Variants in KCNK10 observed in about 807,000 individuals in gnomAD.
The protein encoded by KCNK10 is potassium channel subfamily K member 10.
A neutral mutation model predicts 47.7 loss-of-function variants in KCNK10; 25 were observed. The observed-to-expected ratio is 0.52, with a 90% CI of 0.38 to 0.73. The LOEUF is 0.73. Ranked by LOEUF, KCNK10 falls within the 30% of genes least tolerant of loss-of-function variation. The pLI is 0.00. For synonymous variants in KCNK10, 303 were observed against 285.6 expected, an observed-to-expected ratio of 1.06 and a Z score of -0.61; for missense variants, 563 against 714.5, an observed-to-expected ratio of 0.79 and a Z score of 2.42.
chr14:88,323,292 C>G, upstream of KCNK10: 1 of 985,542 alleles, frequency 1.0e-6, no homozygotes, highest in Non-Finnish European at 1.2e-6. Context: ...CAGCCTCGCT[C>G]GGCCGCGCTG....
At chr14:88,276,473 G>C (rs1887530531) in intron 1 of KCNK10, among the ~76,000 whole-genome samples, 1 of 152,112 alleles carries the variant, frequency 6.6e-6, no homozygotes, top group African/African-American at 2.4e-5. Flanking sequence ...GGCACACTAA[G>C]ACATTGACTA....
intron 2 of KCNK10, among the ~76,000 whole-genome samples, chr14:88,251,110 G>A (rs1307976163): frequency 2.6e-5 from 4 of 151,578 alleles, no homozygotes; most frequent in Non-Finnish European, 5.9e-5. Context: ...GTGCACACCT[G>A]TAGTCCCAGC....
intron 4 of KCNK10, among the ~76,000 whole-genome samples, chr14:88,202,934 G>T (rs1423982938): frequency 6.6e-6 from 1 of 152,230 alleles, no homozygotes; most frequent in Non-Finnish European, 1.5e-5. Context: ...TCCGACAGAG[G>T]GTGAGGGACT....
At chr14:88,291,300 A>G (rs1224229614) in intron 1 of KCNK10, among the ~76,000 whole-genome samples, 1 of 152,128 alleles carries the variant, frequency 6.6e-6, no homozygotes, top group Non-Finnish European at 1.5e-5. Flanking sequence ...CTTTCATTCA[A>G]AGAGAGGGTT....
Position 88,260,348 on chromosome 14 carries a change from T to C in KCNK10, c.402+2854A>G, listed in dbSNP as rs966039644. 3.3e-5 allele frequency among the ~76,000 whole-genome samples: 5 copies of C among 152,206 alleles called. No homozygotes were observed. Among genetic ancestry groups the C allele is most frequent in the African/African-American group, 7.2e-5 (3 of 41,450 alleles). On this transcript the variant is annotated intron_variant, in intron 2 of 6. Coordinates refer to ENST00000319231, the MANE Select transcript of KCNK10 (RefSeq NM_138317.3). This position sits in a 1 kb window ranked among gnomAD's most constrained non-coding sequence, Gnocchi z 4.5. ...GCCTCCCCTTCGTCTTCTGCCATGA[T>C]TGTAAGTTTCCTGAAGCCTCCCAAG...
rs1009720622 is a variant in KCNK10, at chr14:88,260,547, C to T, written c.402+2655G>A. Among the ~76,000 whole-genome samples, 3 of 152,130 alleles carry T rather than the reference C, an allele frequency of 2.0e-5. No homozygotes were observed. The highest frequency in any genetic ancestry group is 2.9e-5 in the Non-Finnish European group (2 of 68,022). ...TATAAACCAAGATCTACTTAAAGGG[C>T]CTGTAGACTATTTGGATGAGAGAGT... On this transcript the variant is annotated intron_variant, in intron 2 of 6. Transcript: ENST00000319231. This position sits in a 1 kb window ranked among gnomAD's most constrained non-coding sequence, Gnocchi z 4.5.
chr14:88,253,999 GGA>G (rs141220872), intron 2 of KCNK10, among the ~76,000 whole-genome samples: 3 of 151,354 alleles, frequency 2.0e-5, no homozygotes, highest in African/African-American at 2.4e-5. Flanking sequence ...AGGGTGAGGG[GGA>G]GAGAGAGAGA....
At chr14:88,317,791 T>C (rs140337096) in intron 1 of KCNK10, among the ~76,000 whole-genome samples, 1 of 152,208 alleles carries the variant, frequency 6.6e-6, no homozygotes, top group African/African-American at 2.4e-5. Flanking sequence ...TTCTGTAAAC[T>C]GAAAGGTGCT....
At chr14:88,282,494 G>A (rs935991363) in intron 1 of KCNK10, among the ~76,000 whole-genome samples, 1 of 152,182 alleles carries the variant, frequency 6.6e-6, no homozygotes, top group Non-Finnish European at 1.5e-5. Context: ...AGCTCAGCAG[G>A]AGCAGAGAGC....
intron 4 of KCNK10, among the ~76,000 whole-genome samples, chr14:88,213,991 G>C: frequency 6.6e-6 from 1 of 150,988 alleles, no homozygotes. Flanking sequence ...CCAGGCTGGA[G>C]TGCAGTGGTG....
intron 1 of KCNK10, among the ~76,000 whole-genome samples, chr14:88,274,135 GCCATGGTTCTTT>G (rs982546538): frequency 6.9e-6 from 1 of 145,562 alleles, no homozygotes; most frequent in African/African-American, 2.6e-5. Context: ...CACAAGCACC[GCCATGGTTCTTT>G]CCCTGGCCTC....
In KCNK10 at chr14:88,298,397, G is replaced by C. The variant is rs116545769; in HGVS notation, c.52+24350C>G. ...TTTCCCAGTGAATAATCTGTAAAAC[G>C]CCTTCCCCTCCTCATCCATCACCTA... On this transcript the variant is annotated intron_variant, in intron 1 of 6. Coordinates refer to ENST00000319231, the MANE Select transcript of KCNK10 (RefSeq NM_138317.3). 6.6e-3 allele frequency among the ~76,000 whole-genome samples: 1,005 copies of C among 152,176 alleles called. 10 individuals carry two copies. Among genetic ancestry groups the C allele is most frequent in the African/African-American group, 0.023 (962 of 41,494 alleles).
At chr14:88,271,844 T>G (rs1887412187) in intron 1 of KCNK10, among the ~76,000 whole-genome samples, 1 of 151,804 alleles carries the variant, frequency 6.6e-6, no homozygotes, top group South Asian at 2.1e-4. Flanking sequence ...AGCAGTGACT[T>G]CCTTCTCGGG....
chr14:88,297,126 G>T (rs1888001813), intron 1 of KCNK10, among the ~76,000 whole-genome samples: 1 of 152,148 alleles, frequency 6.6e-6, no homozygotes, highest in Admixed American at 6.5e-5. Context: ...ACAGAGCCTG[G>T]TAGGTAGTAA....
At chr14:88,303,018 G>A (rs146527507) in intron 1 of KCNK10, among the ~76,000 whole-genome samples, 26 of 152,304 alleles carry the variant, frequency 1.7e-4, no homozygotes, top group African/African-American at 5.5e-4. Flanking sequence ...CCAGGGATGA[G>A]TTTAGGGGGT....
At chr14:88,241,212 T>C (rs1347927988) in intron 2 of KCNK10, among the ~76,000 whole-genome samples, 3 of 152,224 alleles carry the variant, frequency 2.0e-5, no homozygotes, top group Non-Finnish European at 4.4e-5. Context: ...TTCACTCTTT[T>C]CTGTCTTGTA....
chr14:88,290,651 A>G (rs1305382017), intron 1 of KCNK10, among the ~76,000 whole-genome samples: 1 of 152,136 alleles, frequency 6.6e-6, no homozygotes, highest in African/African-American at 2.4e-5. Context: ...AAGCCTCAAA[A>G]CTTATAACAG....
intron 4 of KCNK10, among the ~76,000 whole-genome samples, chr14:88,205,475 A>C (rs1158395179): frequency 4.0e-5 from 6 of 150,782 alleles, no homozygotes; most frequent in Non-Finnish European, 8.8e-5. Flanking sequence ...TCCCTACTAC[A>C]CAGTGTGCTC....
At chr14:88,278,735 C>T (rs563429109) in intron 1 of KCNK10, among the ~76,000 whole-genome samples, 2 of 152,190 alleles carry the variant, frequency 1.3e-5, no homozygotes, top group Non-Finnish European at 2.9e-5. Flanking sequence ...TACTTAATTG[C>T]TTGGAAATTG....
Sources: gnomAD v4.1 joint callset for allele counts (sites outside exome capture counted in the v4.1 genomes callset) on GRCh38, gnomAD v4.1.1 for gene constraint, Gnocchi (gnomAD v3.1) non-coding constraint, MANE v1.5 for transcripts, NCBI Gene and HGNC (gene_info 2026-07-23, HGNC 2026-07-21) for gene names.